The following STARD3NL variants were observed in gnomAD, a reference collection of about 807,000 sequenced individuals.
STARD3NL encodes STARD3 N-terminal-like protein.
A neutral mutation model predicts 30.9 loss-of-function variants in STARD3NL; 17 were observed. That is an observed-to-expected ratio of 0.55 (90% CI 0.38 to 0.82). The LOEUF (loss-of-function observed/expected upper bound fraction) is 0.82, where lower values mean the gene tolerates loss of function less well. STARD3NL is among the 40% of genes least tolerant of loss of function. STARD3NL has a pLI of 0.00. For missense variants in STARD3NL, 234 were observed against 277.6 expected, an observed-to-expected ratio of 0.84 and a Z score of 1.12; for synonymous variants, 112 against 100.5, an observed-to-expected ratio of 1.11 and a Z score of -0.69.
rs1047102746 is a variant in STARD3NL, at chr7:38,207,599, A to G, written c.95A>G (p.Gln32Arg). 3 of 1,614,104 alleles carry G rather than the reference A, an allele frequency of 1.9e-6. No homozygotes were observed. Among genetic ancestry groups the G allele is most frequent in the Non-Finnish European group, 2.5e-6 (3 of 1,179,956 alleles). Reference sequence around the variant, plus strand: ...AATATCCATTCCATCAACCCCACACAACTCATGGCCAGGATTGAGTCCTAT... The same window carrying G: ...AATATCCATTCCATCAACCCCACACGACTCATGGCCAGGATTGAGTCCTAT... ...LRNIHSINPT[Q>R]LMARIESYEG... is the part of the protein sequence containing the mutation. Residue 32 changes from glutamine (Q) to arginine (R), a missense_variant, in exon 2 of 9, where the codon CAA (glutamine) becomes CGA (arginine). Coordinates refer to ENST00000009041, the MANE Select transcript of STARD3NL (RefSeq NM_032016.4).
chr7:38,210,344 A>G (rs1234946641), intron 2 of STARD3NL, among the ~76,000 whole-genome samples: 1 of 152,216 alleles, frequency 6.6e-6, no homozygotes, highest in Non-Finnish European at 1.5e-5. Flanking sequence ...AGAGCTTTAG[A>G]ATATGGAGAA....
rs549941362 is a variant in STARD3NL at position 38,225,115 on chromosome 7, C to T, written c.650-3684C>T. 2.0e-5 allele frequency among the ~76,000 whole-genome samples: 3 copies of T among 152,132 alleles called. No individual in the cohort carries two copies. In the East Asian group the frequency reaches 5.8e-4, roughly 29 times the overall value. On this transcript the variant is annotated intron_variant, in intron 7 of 8. Transcript: ENST00000009041. The stretch of plus-strand genomic sequence containing the variant: ...TTTGTAGTGATACTGAGATATTTTT[C>T]ATGTTTCTATTATATGTAATTCATA...
chr7:38,217,296 G>T lies in STARD3NL; in HGVS notation c.544G>T (p.Glu182Ter), dbSNP rs1359298655. 1 of 1,613,782 alleles carries T rather than the reference G, an allele frequency of 6.2e-7. No individual in the cohort carries two copies. The highest frequency in any genetic ancestry group is 8.5e-7 in the Non-Finnish European group (1 of 1,179,916). ...DFKVLPQEAEEENRLLIVQDA... is the reference protein window; with the variant it reads ...DFKVLPQEAE ...CAAAGTGTTACCTCAAGAAGCAGAA[G>T]AAGAAAACAGTAAGTTCCTCTCAAA... Residue 182 changes from glutamate (E) to a stop codon, truncating the protein, a stop_gained, in exon 6 of 9, where the codon GAA (glutamate) becomes TAA (stop). Transcript: ENST00000009041. LOFTEE classifies it high-confidence loss of function.
chr7:38,178,430 G>T lies in STARD3NL; in HGVS notation c.-59+10G>T, dbSNP rs1784105243. On this transcript the variant is annotated intron_variant, in intron 1 of 8. Coordinates refer to ENST00000009041, the MANE Select transcript of STARD3NL (RefSeq NM_032016.4). Reference sequence around the variant, plus strand: ...GGAACCACCCGTTAAGGTAGGCTGGGTTTCTCGTTCCCCTATTTGACAGGT... The same window carrying T: ...GGAACCACCCGTTAAGGTAGGCTGGTTTTCTCGTTCCCCTATTTGACAGGT... 6.6e-6 allele frequency: 1 copy of T among 152,230 alleles called. No homozygotes were observed. Among genetic ancestry groups the T allele is most frequent in the African/African-American group, 2.4e-5 (1 of 41,450 alleles). 9.4% of individuals were successfully genotyped at this position (152,230 alleles called of 1,614,324 possible). A position where few individuals can be genotyped will look rare whatever the true frequency, so the allele number is the denominator to read the frequency against.
chr7:38,205,806 AT>A (rs1479949055), intron 1 of STARD3NL, among the ~76,000 whole-genome samples: 1 of 152,178 alleles, frequency 6.6e-6, no homozygotes, highest in Non-Finnish European at 1.5e-5. Flanking sequence ...AGTCCCCTAA[AT>A]ATGCCCTCTA....
intron 1 of STARD3NL, among the ~76,000 whole-genome samples, chr7:38,200,371 T>C (rs1376969029): frequency 6.6e-6 from 1 of 152,210 alleles, no homozygotes; most frequent in Non-Finnish European, 1.5e-5. Context: ...AGTGCAGTGC[T>C]TCTCGTTCTT....
Position 38,217,175 on chromosome 7 carries a change from T to C in STARD3NL, c.436-13T>C. On this transcript the variant is annotated splice_polypyrimidine_tract_variant and intron_variant, in intron 5 of 8. Coordinates refer to ENST00000009041, the MANE Select transcript of STARD3NL (RefSeq NM_032016.4). ...TGGTAACTGCATTTCCCTTTCCTGG[T>C]CGTATTTTCCAGCTTTTCTCTCAAG... 6.2e-7 allele frequency: 1 copy of C among 1,613,936 alleles called. No individual in the cohort carries two copies. Among genetic ancestry groups the C allele is most frequent in the Non-Finnish European group, 8.5e-7 (1 of 1,179,864 alleles).
intron 1 of STARD3NL, among the ~76,000 whole-genome samples, chr7:38,182,148 A>T (rs926146853): frequency 2.6e-5 from 4 of 152,130 alleles, no homozygotes; most frequent in Non-Finnish European, 4.4e-5. Flanking sequence ...TGTGTTATAT[A>T]CGTGCACAGT....
At chr7:38,196,569 T>A (rs1784906377) in intron 1 of STARD3NL, among the ~76,000 whole-genome samples, 3 of 152,192 alleles carry the variant, frequency 2.0e-5, no homozygotes, top group Admixed American at 2.0e-4. Flanking sequence ...TTTCTTTTTT[T>A]AAAATTTCAC....
chr7:38,226,097 T>C (rs1786743110), intron 7 of STARD3NL, among the ~76,000 whole-genome samples: 1 of 152,080 alleles, frequency 6.6e-6, no homozygotes, highest in Non-Finnish European at 1.5e-5. Flanking sequence ...TAGTTTGTTT[T>C]GACTGTCATT....
intron 1 of STARD3NL, among the ~76,000 whole-genome samples, chr7:38,205,513 A>G (rs1201680374): frequency 2.0e-5 from 3 of 152,190 alleles, no homozygotes; most frequent in Non-Finnish European, 4.4e-5. Flanking sequence ...TTTAGTGACT[A>G]TACTGTGGCT....
chr7:38,208,815 T>C (rs1053890875), intron 2 of STARD3NL, among the ~76,000 whole-genome samples: 1 of 152,224 alleles, frequency 6.6e-6, no homozygotes, highest in Non-Finnish European at 1.5e-5. Flanking sequence ...GAAAATTATT[T>C]AAAATTTTGC....
chr7:38,208,124 C>G (rs1032994486), intron 2 of STARD3NL, among the ~76,000 whole-genome samples: 3 of 152,166 alleles, frequency 2.0e-5, no homozygotes. Context: ...ATAGTTGTGA[C>G]AGAGACCCTC....
intron 1 of STARD3NL, among the ~76,000 whole-genome samples, chr7:38,194,946 A>G (rs1252509290): frequency 1.3e-5 from 2 of 150,634 alleles, no homozygotes; most frequent in African/African-American, 5.0e-5. Context: ...TTTCATTGTG[A>G]TTATAATCTT....
chr7:38,196,296 A>AC lies in STARD3NL; in HGVS notation c.-58-11148dup, dbSNP rs1439129052. Among the ~76,000 whole-genome samples the AC allele has an allele frequency of 3.3e-5, 5 of 152,216 alleles. No homozygotes were observed. In the East Asian group the frequency reaches 9.7e-4, roughly 29 times the overall value. ...TCCTTTTCCTGTGTTTTCCTGGCTG[A>AC]CCCATCCTCTTTCTGATGGGCACAT... is the stretch of plus-strand genomic sequence containing the variant. On this transcript the variant is annotated intron_variant, in intron 1 of 8. Transcript: ENST00000009041.
At chr7:38,224,833 G>T (rs1458201888) in intron 7 of STARD3NL, among the ~76,000 whole-genome samples, 1 of 150,286 alleles carries the variant, frequency 6.7e-6, no homozygotes, top group Admixed American at 6.6e-5. Flanking sequence ...AATAAGAAAA[G>T]AAAAAAAAAC....
chr7:38,216,581 A>C, intron 4 of STARD3NL: 1 of 162,610 alleles, frequency 6.1e-6, no homozygotes, highest in Non-Finnish European at 1.3e-5. Flanking sequence ...TACTATTGGT[A>C]TTCATTTTGG....
intron 1 of STARD3NL, among the ~76,000 whole-genome samples, chr7:38,196,303 C>G (rs1475269813): frequency 2.0e-5 from 3 of 152,172 alleles, no homozygotes; most frequent in Non-Finnish European, 2.9e-5. Context: ...CTGACCCATC[C>G]TCTTTCTGAT....
intron 2 of STARD3NL, among the ~76,000 whole-genome samples, chr7:38,210,548 G>C (rs146862066): frequency 6.6e-6 from 1 of 152,278 alleles, no homozygotes; most frequent in East Asian, 1.9e-4. Flanking sequence ...TAGGGCTGCT[G>C]ATCTCTTTTC....
Sources: gnomAD v4.1 joint callset for allele counts (sites outside exome capture counted in the v4.1 genomes callset) on GRCh38, gnomAD v4.1.1 for gene constraint, MANE v1.5 for transcripts, NCBI Gene and HGNC (gene_info 2026-07-23, HGNC 2026-07-21) for gene names.